PRUNE2: variants seen among roughly 807,000 people sequenced by gnomAD.
PRUNE2 encodes the protein prune homolog 2 with BCH domain.
In PRUNE2, 164 loss-of-function variants were observed where a neutral mutation model predicts 252.0. The observed-to-expected ratio is 0.65, with a 90% confidence interval of 0.57 to 0.74. The LOEUF is 0.74. PRUNE2 is among the 30% of genes least tolerant of loss of function. The pLI, the probability that PRUNE2 is intolerant of heterozygous loss-of-function variation, is 0.00. For synonymous variants in PRUNE2, 1,292 were observed against 1,350.2 expected (o/e 0.96, Z 0.94); for missense variants, 3,495 against 3,711.0 (o/e 0.94, Z 1.51).
intron 6 of PRUNE2, among the ~76,000 whole-genome samples, chr9:76,766,063 G>T (rs7028762): frequency 2.1e-3 from 313 of 151,808 alleles, no homozygotes; most frequent in African/African-American, 7.3e-3. Context: ...GGCACCTGTA[G>T]TCCCAGCTAC....
At chr9:76,665,279 A>T (rs956632385) in intron 9 of PRUNE2, among the ~76,000 whole-genome samples, 1 of 152,142 alleles carries the variant, frequency 6.6e-6, no homozygotes, top group Non-Finnish European at 1.5e-5. Context: ...AGCCTTGCCA[A>T]TCTTGCTGTC....
chr9:76,646,254 G>A (rs1319830810), intron 11 of PRUNE2, among the ~76,000 whole-genome samples: 3 of 152,166 alleles, frequency 2.0e-5, no homozygotes, highest in African/African-American at 7.2e-5. Flanking sequence ...AGGTGGGTGA[G>A]TAAATTAAGA....
chr9:76,904,159 A>T (rs2063341332), intron 1 of PRUNE2, among the ~76,000 whole-genome samples: 1 of 152,300 alleles, frequency 6.6e-6, no homozygotes, highest in African/African-American at 2.4e-5. Context: ...AGAAACGATA[A>T]AATTAGCAGT....
At chr9:76,641,996 A>T (rs1356978931) in intron 12 of PRUNE2, 83 of 1,353,806 alleles carry the variant, frequency 6.1e-5, no homozygotes, top group Admixed American at 1.6e-4. Flanking sequence ...ATGAAATAAG[A>T]GAAGTAAAAA....
rs751180776 is a variant in PRUNE2, at chr9:76,705,006, C to T, written c.7268G>A (p.Gly2423Glu). Residue 2423 changes from glycine (G) to glutamate (E), a missense_variant, in exon 8 of 19, where the codon GGA becomes GAA. Transcript: ENST00000376718. ...EAGSPEDESL[G>E]CRAAEIVLSA... is the part of the protein sequence containing the mutation. ...AAGCACTATCTCTGCTGCTCTGCAT[C>T]CCAGAGATTCATCCTCTGGAGACCC... The T allele has an allele frequency of 2.2e-5, 36 of 1,613,628 alleles. No homozygotes were observed. Among genetic ancestry groups the T allele is most frequent in the African/African-American group, 5.3e-5 (4 of 74,908 alleles).
At chr9:76,676,082 A>ACAAAAAAAC (rs1167746224) in intron 9 of PRUNE2, among the ~76,000 whole-genome samples, 1 of 151,470 alleles carries the variant, frequency 6.6e-6, no homozygotes, top group Non-Finnish European at 1.5e-5. Flanking sequence ...AAAACCAAAA[A>ACAAAAAAAC]CAAAAAAAAC....
intron 11 of PRUNE2, among the ~76,000 whole-genome samples, chr9:76,649,618 A>ATAGAT (rs1285302330): frequency 7.1e-6 from 1 of 141,248 alleles, no homozygotes; most frequent in African/African-American, 2.7e-5. Flanking sequence ...TAGATGATAG[A>ATAGAT]TAGATAGATA....
chr9:76,712,855 G>A (rs1343649397), intron 7 of PRUNE2, among the ~76,000 whole-genome samples: 1 of 152,124 alleles, frequency 6.6e-6, no homozygotes, highest in Non-Finnish European at 1.5e-5. Context: ...GCTCTTGGGG[G>A]ACAGAAAGGA....
intron 4 of PRUNE2, among the ~76,000 whole-genome samples, chr9:76,837,988 G>T (rs555081359): frequency 6.6e-6 from 1 of 151,824 alleles, no homozygotes; most frequent in African/African-American, 2.4e-5. Flanking sequence ...AGCCAGGATG[G>T]TCTCGATCTC....
intron 6 of PRUNE2, among the ~76,000 whole-genome samples, chr9:76,723,008 G>A (rs1336698540): frequency 1.3e-5 from 2 of 152,168 alleles, no homozygotes; most frequent in African/African-American, 4.8e-5. Context: ...CAACATCCTT[G>A]ATTTTGACAA....
intron 1 of PRUNE2, among the ~76,000 whole-genome samples, chr9:76,854,907 TA>T (rs1035178722): frequency 5.4e-5 from 8 of 148,998 alleles, no homozygotes; most frequent in South Asian, 2.1e-4. Flanking sequence ...TACTAAAAAA[TA>T]AAAAAAAATT....
rs1445728124 is a variant in PRUNE2, at chr9:76,708,293, CTCACTT to C, written c.3975_3980del (p.Ser1326_Glu1327del). 1 of 1,613,808 alleles carries C rather than the reference CTCACTT, an allele frequency of 6.2e-7. No individual in the cohort carries two copies. Among genetic ancestry groups the C allele is most frequent in the South Asian group, 1.1e-5 (1 of 91,066 alleles). ...TGTCAGTGGCTCCCTGGGCTTCCTT[CTCACTT>C]TCACTTTGTCCATCGCCATGACCTT... On this transcript the variant is annotated inframe_deletion, in exon 8 of 19. Coordinates refer to ENST00000376718, the MANE Select transcript of PRUNE2 (RefSeq NM_015225.3).
Position 76,872,600 on chromosome 9 carries a change from A to AAAAC in PRUNE2, c.37-18393_37-18392insGTTT, listed in dbSNP as rs2061272939. Among the ~76,000 whole-genome samples the AAAAC allele has an allele frequency of 2.9e-5, 4 of 139,364 alleles. No homozygotes were observed. In the South Asian group the frequency reaches 9.9e-4, roughly 34 times the overall value. The allele number at this position is 139,364 out of a possible 152,430, so 91.4% of individuals were successfully genotyped here. A position where few individuals can be genotyped will look rare whatever the true frequency, so the allele number is the denominator to read the frequency against. ...ACAATTTTACATGATGATTATGGAA[A>AAAAC]ACACACACACACACACACACACACA... On this transcript the variant is annotated intron_variant, in intron 1 of 18. Transcript: ENST00000376718.
chr9:76,814,306 G>A (rs967612646), intron 6 of PRUNE2, among the ~76,000 whole-genome samples: 51 of 152,182 alleles, frequency 3.4e-4, no homozygotes, highest in African/African-American at 1.2e-3. Flanking sequence ...GTCACAAGAA[G>A]AATTGCAGCT....
At chr9:76,665,415 G>C (rs635856) in intron 9 of PRUNE2, among the ~76,000 whole-genome samples, 149,449 of 151,688 alleles carry the variant, frequency 0.99, 73,660 homozygotes, top group African/African-American at 1. Context: ...CCCACAGAGT[G>C]GGGACCTGGG....
At chr9:76,630,862 T>A (rs1455612639) in intron 15 of PRUNE2, among the ~76,000 whole-genome samples, 1 of 152,214 alleles carries the variant, frequency 6.6e-6, no homozygotes, top group African/African-American at 2.4e-5. Flanking sequence ...GCAAACTAAT[T>A]TAAAAAGTAT....
At chr9:76,724,326 T>C (rs1454697887) in intron 6 of PRUNE2, among the ~76,000 whole-genome samples, 1 of 98,362 alleles carries the variant, frequency 1.0e-5, no homozygotes, top group Non-Finnish European at 2.1e-5. Context: ...AAAAAAAAAA[T>C]AGCCAGGCAT....
Position 76,652,630 on chromosome 9 carries a change from T to G in PRUNE2, c.8410A>C (p.Thr2804Pro). The change falls in exon 11 of 19, where the codon ACA becomes CCA. Residue 2804 changes from threonine (T) to proline (P), a missense_variant. Physicochemically the swap from Thr to Pro is conservative, Grantham distance 38. Coordinates refer to ENST00000376718, the MANE Select transcript of PRUNE2 (RefSeq NM_015225.3). ...AGAGAAAGATTGATATTTGGGGCTG[T>G]GAGCTTGATTCTCCGAGGATGAGTG... ...NDTHPRRIKL[T>P]APNINLSLDQ... 1.9e-6 allele frequency: 3 copies of G among 1,613,230 alleles called. No homozygotes were observed. Among genetic ancestry groups the G allele is most frequent in the Non-Finnish European group, 2.5e-6 (3 of 1,179,328 alleles).
At chr9:76,884,649 T>C (rs1254245479) in intron 1 of PRUNE2, among the ~76,000 whole-genome samples, 1 of 152,258 alleles carries the variant, frequency 6.6e-6, no homozygotes, top group African/African-American at 2.4e-5. Context: ...CTCCTTTCTC[T>C]GTGGACTCCA....
Sources: gnomAD v4.1 joint callset for allele counts (sites outside exome capture counted in the v4.1 genomes callset) on GRCh38, gnomAD v4.1.1 for gene constraint, MANE v1.5 for transcripts, NCBI Gene and HGNC (gene_info 2026-07-23, HGNC 2026-07-21) for gene names.